ANKRD46: variants seen among roughly 807,000 people sequenced by gnomAD.
ANKRD46 encodes ankyrin repeat domain 46.
Under a neutral mutation model 19.8 loss-of-function variants are expected in ANKRD46, and 13 were observed. That is an observed-to-expected ratio of 0.66 (90% confidence interval 0.43 to 1.04). The LOEUF (loss-of-function observed/expected upper bound fraction) is 1.04. Among genes scored for constraint, ANKRD46 ranks in the 50% least tolerant of loss-of-function variants. ANKRD46 has a pLI of 0.00. For synonymous variants in ANKRD46, 91 were observed against 106.9 expected (o/e 0.85, Z 0.92); for missense variants, 185 against 274.8 (o/e 0.67, Z 2.31).
At chr8:100,515,736 T>G (rs1192651085) in intron 5 of ANKRD46, among the ~76,000 whole-genome samples, 1 of 152,040 alleles carries the variant, frequency 6.6e-6, no homozygotes, top group African/African-American at 2.4e-5. Context: ...TGTATCTGGA[T>G]TCAAATAATG....
At chr8:100,516,739 GA>G, downstream of ANKRD46, among the ~76,000 whole-genome samples, 1 of 152,300 alleles carries the variant, frequency 6.6e-6, no homozygotes, top group Middle Eastern at 3.4e-3. Flanking sequence ...AACATAAATT[GA>G]AAGTAAAGTA....
At chr8:100,552,079 G>A (rs1812402335) in intron 1 of ANKRD46, among the ~76,000 whole-genome samples, 1 of 151,202 alleles carries the variant, frequency 6.6e-6, no homozygotes, top group South Asian at 2.1e-4. Context: ...GAACCTGGGA[G>A]GTGGAGGTTG....
chr8:100,549,016 T>A (rs1563491602), intron 1 of ANKRD46, among the ~76,000 whole-genome samples: 1 of 151,646 alleles, frequency 6.6e-6, no homozygotes, highest in Non-Finnish European at 1.5e-5. Flanking sequence ...GAAATTTTTT[T>A]AATTAAAAAA....
In ANKRD46 at chr8:100,536,247, C is replaced by G. The variant is rs1282045211; in HGVS notation, c.-130-2936G>C. 1.3e-5 allele frequency among the ~76,000 whole-genome samples: 2 copies of G among 152,066 alleles called. No individual in the cohort carries two copies. Among genetic ancestry groups the G allele is most frequent in the African/African-American group, 2.4e-5 (1 of 41,418 alleles). ...TGAATGGATGTGAAACCTAAGTAAACATAATGAAGCCTGCTTGGAGAGGTG... is the reference window on the plus strand; with the variant it reads ...TGAATGGATGTGAAACCTAAGTAAAGATAATGAAGCCTGCTTGGAGAGGTG... On this transcript the variant is annotated intron_variant, in intron 1 of 4. Coordinates refer to ENST00000335659, the MANE Select transcript of ANKRD46 (RefSeq NM_001270377.2). The surrounding 1 kb of genome is among the most constrained non-coding windows in gnomAD (Gnocchi z 4.9).
intron 1 of ANKRD46, 158 bp from the exon 2 acceptor site, chr8:100,533,469 A>G (rs1015999773): frequency 2.6e-5 from 4 of 152,250 alleles, no homozygotes; most frequent in Admixed American, 1.3e-4. Context: ...TCTGACGAGT[A>G]ACAAAGTAGT....
intron 1 of ANKRD46, among the ~76,000 whole-genome samples, chr8:100,548,162 C>T (rs1812310996): frequency 6.6e-6 from 1 of 151,958 alleles, no homozygotes; most frequent in African/African-American, 2.4e-5. Flanking sequence ...ATTCCCTTAC[C>T]TGAAATATGT....
Position 100,522,571 on chromosome 8 carries a change from G to A in ANKRD46, c.671C>T (p.Pro224Leu), listed in dbSNP as rs1302503154. The A allele has an allele frequency of 1.9e-6, 3 of 1,613,976 alleles. No homozygotes were observed. Among genetic ancestry groups the A allele is most frequent in the Non-Finnish European group, 2.5e-6 (3 of 1,180,018 alleles). The change falls in exon 5 of 5, where the codon CCT becomes CTT. Residue 224 changes from proline (P) to leucine (L), a missense_variant. Transcript: ENST00000335659. Reference sequence around the variant, plus strand: ...TGAGCTCCTTTAATGCACCAGTTCAGGCTGGTTTTCCACGAAGGGTAGCAC... The same window carrying A: ...TGAGCTCCTTTAATGCACCAGTTCAAGCTGGTTTTCCACGAAGGGTAGCAC... ...SGVLPFVENQ[P>L]ELVH
downstream of ANKRD46, among the ~76,000 whole-genome samples, chr8:100,519,753 G>C (rs1393146249): frequency 2.0e-5 from 3 of 152,162 alleles, no homozygotes; most frequent in East Asian, 5.8e-4. Context: ...CCACAGGTGA[G>C]GGGGCTCCAC....
At chr8:100,512,668 A>G (rs996988535) in intron 5 of ANKRD46, among the ~76,000 whole-genome samples, 4 of 152,212 alleles carry the variant, frequency 2.6e-5, no homozygotes, top group Admixed American at 6.5e-5. Flanking sequence ...GAAAGAAAAT[A>G]TAAGCTTCCA....
At chr8:100,531,508 G>C (rs10505001) in intron 2 of ANKRD46, among the ~76,000 whole-genome samples, 48,715 of 152,038 alleles carry the variant, frequency 0.32, 8,241 homozygotes, top group African/African-American at 0.42. Context: ...TGGAAAGAGT[G>C]GGCATTAACA....
Position 100,534,900 on chromosome 8 carries a change from G to A in ANKRD46, c.-130-1589C>T, listed in dbSNP as rs1351166449. 6.6e-6 allele frequency among the ~76,000 whole-genome samples: 1 copy of A among 152,142 alleles called. No homozygotes were observed. The highest frequency in any genetic ancestry group is 1.5e-5 in the Non-Finnish European group (1 of 68,034). ...TCCTGCCTCAGCCTCCCCAGTAGCTGGGACTACAGCCATGTGCCACCATGC... is the reference window on the plus strand; with the variant it reads ...TCCTGCCTCAGCCTCCCCAGTAGCTAGGACTACAGCCATGTGCCACCATGC... On this transcript the variant is annotated intron_variant, in intron 1 of 4. Coordinates refer to ENST00000335659, the MANE Select transcript of ANKRD46 (RefSeq NM_001270377.2). This position sits in a 1 kb window ranked among gnomAD's most constrained non-coding sequence, Gnocchi z 4.2.
chr8:100,545,810 T>A lies in ANKRD46; in HGVS notation c.-130-12499A>T, dbSNP rs552957117. On this transcript the variant is annotated intron_variant, in intron 1 of 4. Transcript: ENST00000335659. The surrounding 1 kb of genome is among the most constrained non-coding windows in gnomAD (Gnocchi z 4.7). Reference sequence around the variant, plus strand: ...GACAATGAAATCAAGGCTGAGGTGGTCTCAGAAAGAGATGAGGGACTTTTT... The same window carrying A: ...GACAATGAAATCAAGGCTGAGGTGGACTCAGAAAGAGATGAGGGACTTTTT... Among the ~76,000 whole-genome samples, 1 of 152,156 alleles carries A rather than the reference T, an allele frequency of 6.6e-6. No individual in the cohort carries two copies. Among genetic ancestry groups the A allele is most frequent in the Non-Finnish European group, 1.5e-5 (1 of 68,016 alleles).
chr8:100,542,631 CTT>C lies in ANKRD46; in HGVS notation c.-130-9322_-130-9321del, dbSNP rs1055785766. 1.4e-4 allele frequency among the ~76,000 whole-genome samples: 22 copies of C among 152,094 alleles called. 1 individual carries two copies. Among genetic ancestry groups the C allele is most frequent in the African/African-American group, 5.3e-4 (22 of 41,484 alleles). On this transcript the variant is annotated intron_variant, in intron 1 of 4. Coordinates refer to ENST00000335659, the MANE Select transcript of ANKRD46 (RefSeq NM_001270377.2). ...GGGGTAACCTATTTTGGGAAGGAGT[CTT>C]TTTTGAGAGTAGGAAGTACATGCTT...
intron 3 of ANKRD46, 138 bp from the exon 4 acceptor site, chr8:100,528,141 C>T (rs980197948): frequency 1.0e-6 from 1 of 958,840 alleles, no homozygotes; most frequent in Non-Finnish European, 1.4e-6. Context: ...TAGGGCCTAC[C>T]CTAGGGCTGT....
intron 1 of ANKRD46, among the ~76,000 whole-genome samples, chr8:100,555,331 C>A (rs750546106): frequency 8.1e-5 from 12 of 148,286 alleles, no homozygotes; most frequent in African/African-American, 3.0e-4. Flanking sequence ...CAAAGAGGTG[C>A]ACTAGATCTA....
At chr8:100,517,236 G>C (rs1452617042), downstream of ANKRD46, among the ~76,000 whole-genome samples, 1 of 152,164 alleles carries the variant, frequency 6.6e-6, no homozygotes, top group Non-Finnish European at 1.5e-5. Flanking sequence ...ACAACAGTGT[G>C]GTCCCAAAGA....
intron 1 of ANKRD46, among the ~76,000 whole-genome samples, chr8:100,552,149 T>TAAA (rs75161004): frequency 2.7e-4 from 33 of 120,496 alleles, no homozygotes; most frequent in African/African-American, 4.7e-4. Context: ...GACTCTGTCT[T>TAAA]AAAAAAAAAA....
chr8:100,535,397 A>T (rs779156147), intron 1 of ANKRD46, among the ~76,000 whole-genome samples: 1 of 152,194 alleles, frequency 6.6e-6, no homozygotes, highest in Non-Finnish European at 1.5e-5. Flanking sequence ...GATCCTGTGC[A>T]CCCTTTATCC....
rs922586777 is a variant in ANKRD46 at position 100,557,839 on chromosome 8, T to C, written c.-131+1872A>G. Reference sequence around the variant, plus strand: ...GTCTTTTCCATGGCACCAGTCCTTATTTTAAAACTGCACCTGTTCCTTCCT... The same window carrying C: ...GTCTTTTCCATGGCACCAGTCCTTACTTTAAAACTGCACCTGTTCCTTCCT... On this transcript the variant is annotated intron_variant, in intron 1 of 4. Transcript: ENST00000335659. The surrounding 1 kb of genome is among the most constrained non-coding windows in gnomAD (Gnocchi z 5.9). Among the ~76,000 whole-genome samples, 1 of 152,242 alleles carries C rather than the reference T, an allele frequency of 6.6e-6. No homozygotes were observed. Among genetic ancestry groups the C allele is most frequent in the African/African-American group, 2.4e-5 (1 of 41,470 alleles).
Sources: allele counts gnomAD v4.1 joint callset (sites outside exome capture counted in the v4.1 genomes callset), GRCh38; gene constraint gnomAD v4.1.1; non-coding constraint Gnocchi (gnomAD v3.1); transcripts MANE v1.5; gene names NCBI Gene and HGNC (gene_info 2026-07-23, HGNC 2026-07-21).